Variants in NEBL observed in about 807,000 individuals in gnomAD.
The protein encoded by NEBL is nebulette, also known as LIM and SH3 protein 2.
A neutral mutation model predicts 140.2 loss-of-function variants in NEBL; 122 were observed. The ratio of observed to expected loss-of-function variants is 0.87; its 90% CI spans 0.75 to 1.01. The LOEUF (loss-of-function observed/expected upper bound fraction) is 1.01. Ranked by LOEUF, NEBL falls within the 50% of genes least tolerant of loss-of-function variation. NEBL has a pLI of 0.00. For missense variants in NEBL, 1,365 were observed against 1,231.3 expected (o/e 1.11, Z -1.62); for synonymous variants, 436 against 398.9 (o/e 1.09, Z -1.11).
upstream of NEBL, chr10:20,897,417 C>G: frequency 7.6e-7 from 1 of 1,307,926 alleles, no homozygotes. Flanking sequence ...GCTGGCCTCA[C>G]AAGTGGAAAT....
intron 2 of NEBL, among the ~76,000 whole-genome samples, chr10:21,094,961 G>A (rs1167381853): frequency 2.0e-5 from 3 of 152,170 alleles, no homozygotes; most frequent in East Asian, 1.9e-4. Flanking sequence ...CCTATAATTA[G>A]GTGAAGGGAT....
intron 22 of NEBL, 59 bp from the exon 23 acceptor site, chr10:20,814,102 T>C (rs1838453490): frequency 3.7e-6 from 4 of 1,080,814 alleles, no homozygotes; most frequent in South Asian, 2.5e-5. Context: ...GTAACATTTT[T>C]AAGCTTTACA....
At chr10:20,988,600 G>A (rs991894855) in intron 3 of NEBL, among the ~76,000 whole-genome samples, 3 of 152,016 alleles carry the variant, frequency 2.0e-5, no homozygotes, top group Non-Finnish European at 4.4e-5. Context: ...TCATCAAATT[G>A]TCTCTCTCTA....
intron 2 of NEBL, among the ~76,000 whole-genome samples, chr10:21,052,591 A>G (rs1043970221): frequency 6.6e-6 from 1 of 152,228 alleles, no homozygotes; most frequent in East Asian, 1.9e-4. Flanking sequence ...AGCGGGGTAT[A>G]GAAGCTCTTT....
At chr10:21,167,349 T>C (rs1223015303) in intron 2 of NEBL, among the ~76,000 whole-genome samples, 1 of 152,208 alleles carries the variant, frequency 6.6e-6, no homozygotes, top group African/African-American at 2.4e-5. Flanking sequence ...TAAAGATACA[T>C]TTGACTAAGA....
chr10:21,173,865 G>T lies in NEBL; in HGVS notation c.-32C>A, dbSNP rs780895375. ...GGTTCCCGGGGGCGGCGGCGGCGGC[G>T]GCTGCTGGCTCCCAGGAGCCGCTGT... On this transcript the variant is annotated 5_prime_UTR_variant, in exon 1 of 7. Coordinates refer to the NEBL transcript ENST00000417816. The surrounding 1 kb of genome is among the most constrained non-coding windows in gnomAD (Gnocchi z 5.7). 5.0e-6 allele frequency: 8 copies of T among 1,605,078 alleles called. No homozygotes were observed. The highest frequency in any genetic ancestry group is 6.8e-6 in the Non-Finnish European group (8 of 1,178,296).
intron 2 of NEBL, chr10:21,029,335 A>G: frequency 1.2e-6 from 2 of 1,611,046 alleles, no homozygotes; most frequent in South Asian, 2.2e-5. Context: ...AGAGTCAATT[A>G]AGGAATTCTT....
At chr10:20,924,277 A>G (rs1396305507) in intron 4 of NEBL, among the ~76,000 whole-genome samples, 1 of 151,984 alleles carries the variant, frequency 6.6e-6, no homozygotes, top group Non-Finnish European at 1.5e-5. Flanking sequence ...CAGGATTGAG[A>G]AGCCCTGTGT....
At chr10:20,835,194 T>C (rs1252458836) in intron 14 of NEBL, among the ~76,000 whole-genome samples, 1 of 152,192 alleles carries the variant, frequency 6.6e-6, no homozygotes. Context: ...AAAAATACCA[T>C]GAAAACATTT....
At chr10:20,869,620 G>A (rs1844708401) in intron 6 of NEBL, 120 bp downstream of exon 6, 1 of 732,716 alleles carries the variant, frequency 1.4e-6, no homozygotes, top group East Asian at 2.6e-5. Context: ...AAATTGAGAT[G>A]TATTCATTTA....
chr10:21,147,991 G>A (rs911562426), intron 2 of NEBL, among the ~76,000 whole-genome samples: 3 of 152,156 alleles, frequency 2.0e-5, no homozygotes, highest in Non-Finnish European at 4.4e-5. Context: ...GGAACTCTTC[G>A]TTATCTTATG....
At position 20,894,894 on chromosome 10, in the gene NEBL, C is replaced by A. The variant is rs375550299; in HGVS notation, c.153+2064G>T. ...CAGTGAGCCGAGATCGTGCCACTGC[C>A]CTCCAGCCTGGGTGATAGAGCGAGA... On this transcript the variant is annotated intron_variant, in intron 2 of 27. Coordinates refer to ENST00000377122, the MANE Select transcript of NEBL (RefSeq NM_006393.3). Among the ~76,000 whole-genome samples the A allele has an allele frequency of 1.3e-3, 196 of 148,064 alleles. 1 individual carries two copies. Among genetic ancestry groups the A allele is most frequent in the African/African-American group, 4.4e-3 (176 of 39,898 alleles).
chr10:21,042,334 G>T (rs544778076), intron 2 of NEBL, among the ~76,000 whole-genome samples: 4 of 152,324 alleles, frequency 2.6e-5, no homozygotes, highest in African/African-American at 9.6e-5. Context: ...TTGTCTACCA[G>T]CAGTGGGCTA....
At chr10:21,235,265 C>T (rs573206854) in intron 3 of NEBL, among the ~76,000 whole-genome samples, 1 of 152,066 alleles carries the variant, frequency 6.6e-6, no homozygotes, top group Non-Finnish European at 1.5e-5. Flanking sequence ...CACTGCAGTC[C>T]AGCCTGGATG....
At chr10:21,057,389 A>C (rs16916070) in intron 2 of NEBL, among the ~76,000 whole-genome samples, 22,485 of 151,902 alleles carry the variant, frequency 0.15, 1,766 homozygotes, top group East Asian at 0.26. Context: ...GGGACCTTGC[A>C]CATATCAAAG....
At chr10:21,026,271 A>T (rs2131788512) in intron 2 of NEBL, among the ~76,000 whole-genome samples, 1 of 152,270 alleles carries the variant, frequency 6.6e-6, no homozygotes, top group South Asian at 2.1e-4. Context: ...GGAGGGGAAA[A>T]TACTACTGAC....
intron 3 of NEBL, among the ~76,000 whole-genome samples, chr10:20,975,866 G>T (rs1223728951): frequency 6.6e-6 from 1 of 152,036 alleles, no homozygotes; most frequent in African/African-American, 2.4e-5. Context: ...TTTAGATAGA[G>T]GTGTTATTTA....
At chr10:20,819,274 A>C in intron 20 of NEBL, 150 bp downstream of exon 20, 3 of 1,267,088 alleles carry the variant, frequency 2.4e-6, no homozygotes, top group Non-Finnish European at 3.3e-6. Context: ...GTGTCCATGT[A>C]TTCTCATCAT....
intron 7 of NEBL, 25 bp from the exon 8 acceptor site, chr10:20,859,851 T>C (rs766170861): frequency 9.1e-7 from 1 of 1,104,716 alleles, no homozygotes; most frequent in East Asian, 2.4e-5. Flanking sequence ...AAATAGTACA[T>C]GTAACTTTAC....
Sources: allele counts gnomAD v4.1 joint callset (sites outside exome capture counted in the v4.1 genomes callset), GRCh38; gene constraint gnomAD v4.1.1; non-coding constraint Gnocchi (gnomAD v3.1); transcripts MANE v1.5; gene names NCBI Gene and HGNC (gene_info 2026-07-23, HGNC 2026-07-21).